SAMD4A: variants seen among roughly 807,000 people sequenced by gnomAD.
SAMD4A encodes protein Smaug homolog 1.
A neutral mutation model predicts 81.3 loss-of-function variants in SAMD4A; 33 were observed. The observed-to-expected ratio is 0.41, with a 90% confidence interval of 0.31 to 0.54. SAMD4A has a LOEUF of 0.54. SAMD4A is among the 20% of genes least tolerant of loss of function. The probability of loss-of-function intolerance (pLI) is 0.37; values close to 1 mark genes in which losing one functional copy is unlikely to be tolerated. For synonymous variants in SAMD4A, 389 were observed against 382.1 expected, an observed-to-expected ratio of 1.02 and a Z score of -0.21; for missense variants, 854 against 951.1, an observed-to-expected ratio of 0.90 and a Z score of 1.34.
intron 3 of SAMD4A, among the ~76,000 whole-genome samples, chr14:54,734,211 G>A (rs1389533104): frequency 6.6e-6 from 1 of 152,170 alleles, no homozygotes; most frequent in Non-Finnish European, 1.5e-5. Context: ...CCAGGCCTTG[G>A]TTCCTTTGGA....
At chr14:54,741,934 T>A (rs910454419) in intron 4 of SAMD4A, among the ~76,000 whole-genome samples, 14 of 152,168 alleles carry the variant, frequency 9.2e-5, no homozygotes, top group Admixed American at 3.3e-4. Context: ...ACCCTGGGCC[T>A]TGCAAAGGAC....
At chr14:54,655,709 G>A (rs2035505330) in intron 2 of SAMD4A, among the ~76,000 whole-genome samples, 1 of 152,182 alleles carries the variant, frequency 6.6e-6, no homozygotes, top group African/African-American at 2.4e-5. Context: ...TTGCACTCCA[G>A]CCTGGGCAAT....
chr14:54,733,942 A>G (rs1594873433), intron 3 of SAMD4A, among the ~76,000 whole-genome samples: 1 of 152,084 alleles, frequency 6.6e-6, no homozygotes, highest in African/African-American at 2.4e-5. Context: ...AACCACTGCT[A>G]CTCTGCCACT....
At chr14:54,712,292 T>A (rs543752731) in intron 3 of SAMD4A, among the ~76,000 whole-genome samples, 2 of 152,154 alleles carry the variant, frequency 1.3e-5, no homozygotes, top group Admixed American at 1.3e-4. Context: ...AATTTCTTCC[T>A]CCCAAAAATC....
rs531418177 is a variant in SAMD4A, at chr14:54,720,975, G to A, written c.716-16049G>A. ...GTCTTCCAGCTTACAACAGTTTGTT[G>A]ACTTCAAGTGGTCTGCTGATAACCT... On this transcript the variant is annotated intron_variant, in intron 3 of 12. Coordinates refer to ENST00000554335, the MANE Select transcript of SAMD4A (RefSeq NM_015589.6). 1.1e-3 allele frequency among the ~76,000 whole-genome samples: 166 copies of A among 152,264 alleles called. 1 individual carries two copies. The highest frequency in any genetic ancestry group is 1.8e-3 in the Non-Finnish European group (125 of 68,026).
rs1165549986 is a variant in SAMD4A at position 54,567,264 on chromosome 14, C to CG, written c.-492dup. 1 of 152,266 alleles carries CG rather than the reference C, an allele frequency of 6.6e-6. No homozygotes were observed. The highest frequency in any genetic ancestry group is 1.5e-5 in the Non-Finnish European group (1 of 68,078). 9.4% of individuals were successfully genotyped at this position (152,266 alleles called of 1,614,324 possible). On this transcript the variant is annotated 5_prime_UTR_variant, in exon 1 of 13. Transcript: ENST00000554335. The stretch of plus-strand genomic sequence containing the variant: ...TGGCAGCGGCAGCAACAGGAAGCCG[C>CG]GGGGTCTCCTCCCGCACCTGGGAAG...
chr14:54,664,058 T>C (rs2035702741), intron 2 of SAMD4A, among the ~76,000 whole-genome samples: 1 of 152,076 alleles, frequency 6.6e-6, no homozygotes, highest in Admixed American at 6.6e-5. Context: ...TAATGATGAA[T>C]TTGCTAAAAA....
At chr14:54,630,049 A>G (rs1187215556) in intron 2 of SAMD4A, among the ~76,000 whole-genome samples, 1 of 152,160 alleles carries the variant, frequency 6.6e-6, no homozygotes, top group Non-Finnish European at 1.5e-5. Context: ...TTGTATGTAT[A>G]TATGTCATTT....
intron 6 of SAMD4A, among the ~76,000 whole-genome samples, chr14:54,754,607 C>T (rs544870227): frequency 9.2e-5 from 14 of 152,274 alleles, no homozygotes; most frequent in African/African-American, 3.4e-4. Context: ...TGTTTGTAAC[C>T]TGTTACCACT....
chr14:54,627,400 A>T (rs2034791905), intron 2 of SAMD4A, among the ~76,000 whole-genome samples: 1 of 152,234 alleles, frequency 6.6e-6, no homozygotes, highest in Non-Finnish European at 1.5e-5. Context: ...GGACTAGCCT[A>T]CCAGAACGTT....
chr14:54,771,590 C>T (rs1376383773), intron 9 of SAMD4A, among the ~76,000 whole-genome samples: 2 of 152,176 alleles, frequency 1.3e-5, no homozygotes, highest in African/African-American at 4.8e-5. Context: ...TGAGGATTCC[C>T]GATGGCCCAG....
intron 2 of SAMD4A, among the ~76,000 whole-genome samples, chr14:54,625,948 T>G (rs1298502011): frequency 1.3e-5 from 2 of 152,138 alleles, no homozygotes; most frequent in Non-Finnish European, 2.9e-5. Flanking sequence ...AAAGTCTGTG[T>G]TTAGCTCCTG....
At chr14:54,753,141 CTT>C (rs1417567410) in intron 6 of SAMD4A, among the ~76,000 whole-genome samples, 3 of 152,224 alleles carry the variant, frequency 2.0e-5, no homozygotes, top group African/African-American at 7.2e-5. Flanking sequence ...AGGCTTTCCT[CTT>C]TTACTAATGC....
intron 2 of SAMD4A, among the ~76,000 whole-genome samples, chr14:54,637,269 G>A (rs189042662): frequency 2.0e-5 from 3 of 150,188 alleles, no homozygotes; most frequent in African/African-American, 4.9e-5. Flanking sequence ...GGTGGCTGTC[G>A]CAGGAGGATT....
rs2032980558 is a variant in SAMD4A at position 54,567,688 on chromosome 14, A to C, written c.-229A>C. On this transcript the variant is annotated 5_prime_UTR_variant, in exon 2 of 13. Coordinates refer to ENST00000554335, the MANE Select transcript of SAMD4A (RefSeq NM_015589.6). ...TTTTTTAAAGAAACATTTCCGTGCTACTGTCTGTCATCGTCTCTGGGGAAA... is the reference window on the plus strand; with the variant it reads ...TTTTTTAAAGAAACATTTCCGTGCTCCTGTCTGTCATCGTCTCTGGGGAAA... 3.9e-6 allele frequency: 2 copies of C among 515,858 alleles called. No homozygotes were observed. Among genetic ancestry groups the C allele is most frequent in the South Asian group, 5.4e-5 (2 of 37,192 alleles). The allele number at this position is 515,858 out of a possible 1,614,324, so 32.0% of individuals were successfully genotyped here. A position where few individuals can be genotyped will look rare whatever the true frequency, so the allele number is the denominator to read the frequency against.
In SAMD4A at chr14:54,639,684, G is replaced by T. The variant is rs552081931; in HGVS notation, c.197-62378G>T. 3.3e-5 allele frequency among the ~76,000 whole-genome samples: 5 copies of T among 152,194 alleles called. No homozygotes were observed. In the East Asian group the frequency reaches 9.6e-4, roughly 29 times the overall value. ...TTTTAAGGTGTTTCTCCTTTGCTTTGGGATTTCAAACATGGCAGCTCATAG... is the reference window on the plus strand; with the variant it reads ...TTTTAAGGTGTTTCTCCTTTGCTTTTGGATTTCAAACATGGCAGCTCATAG... On this transcript the variant is annotated intron_variant, in intron 2 of 12. Transcript: ENST00000554335.
intron 4 of SAMD4A, among the ~76,000 whole-genome samples, chr14:54,741,990 T>C (rs932295302): frequency 6.6e-6 from 1 of 152,168 alleles, no homozygotes; most frequent in African/African-American, 2.4e-5. Context: ...TGCAGCAGAA[T>C]GACCTGCTTA....
intron 3 of SAMD4A, among the ~76,000 whole-genome samples, chr14:54,706,051 T>C (rs2036843008): frequency 6.6e-6 from 1 of 151,696 alleles, no homozygotes; most frequent in Non-Finnish European, 1.5e-5. Context: ...AACTGGAGGG[T>C]CAAGAAAGCC....
At chr14:54,778,072 AC>A (rs1390342453) in intron 11 of SAMD4A, among the ~76,000 whole-genome samples, 4 of 152,312 alleles carry the variant, frequency 2.6e-5, no homozygotes, top group African/African-American at 4.8e-5. Flanking sequence ...GAGATCTGTC[AC>A]CTTGAATGGG....
Sources: gnomAD v4.1 joint callset for allele counts (sites outside exome capture counted in the v4.1 genomes callset) on GRCh38, gnomAD v4.1.1 for gene constraint, MANE v1.5 for transcripts, NCBI Gene and HGNC (gene_info 2026-07-23, HGNC 2026-07-21) for gene names.